Variants in NKAIN2 observed in about 807,000 individuals in gnomAD.
The protein encoded by NKAIN2 is sodium/potassium transporting ATPase interacting 2, also known as sodium/potassium-transporting ATPase subunit beta-1-interacting protein 2.
In NKAIN2, 14 loss-of-function variants were observed where a neutral mutation model predicts 32.6. The ratio of observed to expected loss-of-function variants is 0.43; its 90% CI spans 0.28 to 0.67. The LOEUF (loss-of-function observed/expected upper bound fraction) is 0.67. NKAIN2 is among the 30% of genes least tolerant of loss of function. The probability of loss-of-function intolerance (pLI) is 0.17; values close to 1 mark genes in which losing one functional copy is unlikely to be tolerated. For synonymous variants in NKAIN2, 80 were observed against 87.2 expected, an observed-to-expected ratio of 0.92 and a Z score of 0.46; for missense variants, 198 against 258.3, an observed-to-expected ratio of 0.77 and a Z score of 1.60.
intron 3 of NKAIN2, among the ~76,000 whole-genome samples, chr6:124,567,041 C>T (rs2114908368): frequency 6.6e-6 from 1 of 152,340 alleles, no homozygotes; most frequent in South Asian, 2.1e-4. Flanking sequence ...TAGTACTTTT[C>T]AGCCTCTGAC....
chr6:124,557,887 A>G (rs1780535049), intron 3 of NKAIN2, among the ~76,000 whole-genome samples: 1 of 152,242 alleles, frequency 6.6e-6, no homozygotes, highest in Non-Finnish European at 1.5e-5. Context: ...TGACTCATTC[A>G]GATGAAAAAT....
chr6:124,219,981 T>G (rs1791723910), intron 1 of NKAIN2, among the ~76,000 whole-genome samples: 1 of 152,310 alleles, frequency 6.6e-6, no homozygotes, highest in Admixed American at 6.5e-5. Flanking sequence ...CATAAGCATC[T>G]TTCCATGACC....
intron 3 of NKAIN2, among the ~76,000 whole-genome samples, chr6:124,388,548 G>T (rs1773010982): frequency 6.6e-6 from 1 of 151,808 alleles, no homozygotes; most frequent in Non-Finnish European, 1.5e-5. Context: ...CTTCTTCCAG[G>T]TTATTTGTAA....
chr6:124,540,432 A>G (rs1035640704), intron 3 of NKAIN2, among the ~76,000 whole-genome samples: 1 of 152,240 alleles, frequency 6.6e-6, no homozygotes, highest in Middle Eastern at 3.2e-3. Context: ...TCTCTCTGCT[A>G]TCTACTGATA....
intron 1 of NKAIN2, among the ~76,000 whole-genome samples, chr6:124,139,280 G>C (rs1382886968): frequency 6.7e-6 from 1 of 148,418 alleles, no homozygotes; most frequent in Admixed American, 6.7e-5. Context: ...AGTAGAGACG[G>C]GGTTTCACCT....
rs1487576615 is a variant in NKAIN2, at chr6:124,530,388, C to T, written c.274-127798C>T. Reference sequence around the variant, plus strand: ...GCCTTCATCCTTGTCATCTTCACATCGATTAGGTTGAGACGGAGGAGGAAA... The same window carrying T: ...GCCTTCATCCTTGTCATCTTCACATTGATTAGGTTGAGACGGAGGAGGAAA... On this transcript the variant is annotated intron_variant, in intron 3 of 6. Transcript: ENST00000368417. Among the ~76,000 whole-genome samples the T allele has an allele frequency of 2.6e-5, 4 of 152,060 alleles. No homozygotes were observed. The East Asian group carries it at 5.8e-4, about 22-fold the overall frequency.
At chr6:123,979,114 A>G (rs1778776435) in intron 1 of NKAIN2, among the ~76,000 whole-genome samples, 1 of 152,098 alleles carries the variant, frequency 6.6e-6, no homozygotes, top group Non-Finnish European at 1.5e-5. Flanking sequence ...TAAGAAGTTC[A>G]TTTACATTCT....
intron 1 of NKAIN2, among the ~76,000 whole-genome samples, chr6:124,111,404 G>A (rs1421512269): frequency 6.6e-6 from 1 of 151,936 alleles, no homozygotes; most frequent in African/African-American, 2.4e-5. Flanking sequence ...GCATATATAT[G>A]TTTATCATGG....
At chr6:124,263,095 A>G (rs542815866) in intron 1 of NKAIN2, among the ~76,000 whole-genome samples, 29 of 152,256 alleles carry the variant, frequency 1.9e-4, no homozygotes, top group Admixed American at 1.3e-4. Flanking sequence ...TGTGAGGAAG[A>G]TGCAGTGTTT....
chr6:123,960,373 G>T (rs973559974), intron 1 of NKAIN2, among the ~76,000 whole-genome samples: 5 of 152,116 alleles, frequency 3.3e-5, no homozygotes, highest in African/African-American at 1.2e-4. Context: ...TTCTCCTCTA[G>T]ATTTTCTCTA....
At chr6:124,206,159 A>G (rs1362973584) in intron 1 of NKAIN2, among the ~76,000 whole-genome samples, 1 of 151,938 alleles carries the variant, frequency 6.6e-6, no homozygotes. Context: ...AAGTGTAGCC[A>G]TCAAGTGTAA....
At chr6:123,821,970 A>G (rs928528) in intron 1 of NKAIN2, among the ~76,000 whole-genome samples, 41,895 of 151,956 alleles carry the variant, frequency 0.28, 8,258 homozygotes, top group East Asian at 0.56. Context: ...CCATTTTTAT[A>G]TTGATGACTT....
intron 2 of NKAIN2, among the ~76,000 whole-genome samples, chr6:124,308,860 T>C (rs1403942): frequency 0.41 from 61,619 of 151,994 alleles, 17,765 homozygotes; most frequent in African/African-American, 0.81. Context: ...AAGGAAAGGA[T>C]CCACTAAAGT....
At chr6:123,821,205 G>C (rs942349672) in intron 1 of NKAIN2, among the ~76,000 whole-genome samples, 1 of 152,196 alleles carries the variant, frequency 6.6e-6, no homozygotes, top group African/African-American at 2.4e-5. Context: ...GAAGTGAGAC[G>C]TAGCCACTGG....
At chr6:124,444,005 T>G (rs2114603612) in intron 3 of NKAIN2, among the ~76,000 whole-genome samples, 1 of 152,196 alleles carries the variant, frequency 6.6e-6, no homozygotes, top group Non-Finnish European at 1.5e-5. Flanking sequence ...AGTTTTGGTT[T>G]TATAATCATT....
At chr6:124,415,878 C>CTTTTTTTTTTTTTT in intron 3 of NKAIN2, among the ~76,000 whole-genome samples, 49 of 72,594 alleles carry the variant, frequency 6.7e-4, no homozygotes, top group African/African-American at 7.5e-4. Context: ...TTTTTATTTG[C>CTTTTTTTTTTTTTT]TTTTTTTTTT....
chr6:124,331,505 G>A (rs1463982207), intron 2 of NKAIN2, among the ~76,000 whole-genome samples: 5 of 149,216 alleles, frequency 3.4e-5, no homozygotes, highest in African/African-American at 9.9e-5. Context: ...CTCCAGCCTG[G>A]GTGACAGAGC....
At chr6:124,140,535 C>T (rs940188830) in intron 1 of NKAIN2, among the ~76,000 whole-genome samples, 15 of 152,028 alleles carry the variant, frequency 9.9e-5, no homozygotes, top group African/African-American at 3.6e-4. Context: ...ACTAGTTCCT[C>T]CCTAGAATGA....
At position 124,499,453 on chromosome 6, in the gene NKAIN2, T is replaced by G. The variant is rs531294615; in HGVS notation, c.273+144106T>G. On this transcript the variant is annotated intron_variant, in intron 3 of 6. Transcript: ENST00000368417. ...CATTAAAATTCTTTTTTTCTGATAA[T>G]TATTCCAGCTATATGATTGCTCTTG... is the stretch of plus-strand genomic sequence containing the variant. 3.3e-5 allele frequency among the ~76,000 whole-genome samples: 5 copies of G among 152,312 alleles called. No homozygotes were observed. The South Asian group carries it at 6.2e-4, about 19-fold the overall frequency.
Sources: allele counts gnomAD v4.1 joint callset (sites outside exome capture counted in the v4.1 genomes callset), GRCh38; gene constraint gnomAD v4.1.1; transcripts MANE v1.5; gene names NCBI Gene and HGNC (gene_info 2026-07-23, HGNC 2026-07-21).